The following NEBL variants were observed in gnomAD, a reference collection of about 807,000 sequenced individuals.
NEBL encodes the protein nebulette, also known as LIM and SH3 protein 2.
A neutral mutation model predicts 140.2 loss-of-function variants in NEBL; 122 were observed. The observed-to-expected ratio is 0.87, with a 90% CI of 0.75 to 1.01. NEBL has a LOEUF of 1.01. NEBL is among the 50% of genes least tolerant of loss of function. The pLI is 0.00. For missense variants in NEBL, 1,365 were observed against 1,231.3 expected, an observed-to-expected ratio of 1.11 and a Z score of -1.62; for synonymous variants, 436 against 398.9, an observed-to-expected ratio of 1.09 and a Z score of -1.11.
At chr10:21,068,195 T>C (rs1835654730) in intron 2 of NEBL, among the ~76,000 whole-genome samples, 1 of 152,208 alleles carries the variant, frequency 6.6e-6, no homozygotes, top group Non-Finnish European at 1.5e-5. Flanking sequence ...GTCAAATGTG[T>C]TGAACACTTT....
At chr10:20,869,638 T>A in intron 6 of NEBL, 102 bp downstream of exon 6, 1 of 779,506 alleles carries the variant, frequency 1.3e-6, no homozygotes, top group Non-Finnish European at 2.3e-6. Flanking sequence ...TTATATTGAT[T>A]AGTTACACTA....
chr10:21,284,626 G>C (rs773919824), intron 1 of NEBL, among the ~76,000 whole-genome samples: 4 of 152,088 alleles, frequency 2.6e-5, no homozygotes, highest in Non-Finnish European at 5.9e-5. Flanking sequence ...AGAGCACAAG[G>C]AGTGCTATAT....
chr10:21,071,425 G>A (rs956106039), intron 2 of NEBL, among the ~76,000 whole-genome samples: 2 of 152,002 alleles, frequency 1.3e-5, no homozygotes, highest in East Asian at 3.9e-4. Context: ...CCCTACAAAA[G>A]GACTTTTCAA....
chr10:20,859,943 G>A, intron 7 of NEBL, 117 bp from the exon 8 acceptor site: 1 of 585,694 alleles, frequency 1.7e-6, no homozygotes, highest in Non-Finnish European at 3.0e-6. Context: ...GTAAATTCCT[G>A]GTATCCATCG....
At chr10:21,150,537 A>G (rs550205315) in intron 2 of NEBL, among the ~76,000 whole-genome samples, 1 of 152,324 alleles carries the variant, frequency 6.6e-6, no homozygotes, top group Admixed American at 6.5e-5. Flanking sequence ...TATATCTCCA[A>G]ACATTTGCAC....
At chr10:21,257,287 C>A (rs111621415) in intron 1 of NEBL, among the ~76,000 whole-genome samples, 2,859 of 152,254 alleles carry the variant, frequency 0.019, 43 homozygotes, top group South Asian at 0.051. Flanking sequence ...TAAATATCTT[C>A]ACTGCCACTT....
At chr10:21,101,804 A>G (rs1837492740) in intron 2 of NEBL, among the ~76,000 whole-genome samples, 1 of 152,226 alleles carries the variant, frequency 6.6e-6, no homozygotes, top group Admixed American at 6.5e-5. Flanking sequence ...TGGAAACTGT[A>G]ATAAGATCTA....
intron 27 of NEBL, 50 bp from the exon 28 acceptor site, chr10:20,785,973 C>T (rs1229779177): frequency 6.4e-7 from 1 of 1,562,440 alleles, no homozygotes; most frequent in Non-Finnish European, 8.8e-7. Context: ...TAGCTACAGC[C>T]ACAAATTCCA....
At chr10:21,232,585 A>T (rs1305341947) in intron 3 of NEBL, among the ~76,000 whole-genome samples, 2 of 152,322 alleles carry the variant, frequency 1.3e-5, no homozygotes, top group Middle Eastern at 3.4e-3. Flanking sequence ...TTTCATAAGG[A>T]GCATGCAACC....
chr10:21,144,817 T>C (rs772431224), intron 2 of NEBL, among the ~76,000 whole-genome samples: 9 of 152,102 alleles, frequency 5.9e-5, no homozygotes, highest in Non-Finnish European at 1.2e-4. Flanking sequence ...TGACTGTAAC[T>C]AGCTATTCAC....
chr10:21,018,112 G>A (rs982669225), intron 3 of NEBL, among the ~76,000 whole-genome samples: 4 of 152,002 alleles, frequency 2.6e-5, no homozygotes, highest in East Asian at 1.9e-4. Flanking sequence ...ATGAGCCCCC[G>A]TGCCCAGCCT....
chr10:20,968,251 T>C (rs1368064967), intron 3 of NEBL, among the ~76,000 whole-genome samples: 1 of 152,008 alleles, frequency 6.6e-6, no homozygotes, highest in Admixed American at 6.6e-5. Flanking sequence ...CTGCCTGCAA[T>C]TGCAGGACTT....
Position 21,072,818 on chromosome 10 carries a change from C to T in NEBL, c.165-52617G>A, listed in dbSNP as rs182734594. Among the ~76,000 whole-genome samples, 9 of 152,246 alleles carry T rather than the reference C, an allele frequency of 5.9e-5. No homozygotes were observed. The East Asian group carries it at 1.7e-3, about 29-fold the overall frequency. ...CCAGCATGGCCAACATGATAAAACT[C>T]CGTCTCTACTAAAAATACAAAAGTT... On this transcript the variant is annotated intron_variant, in intron 2 of 6. Coordinates refer to the NEBL transcript ENST00000417816.
intron 26 of NEBL, among the ~76,000 whole-genome samples, chr10:20,799,258 T>A (rs1042505506): frequency 6.6e-6 from 1 of 152,138 alleles, no homozygotes; most frequent in Non-Finnish European, 1.5e-5. Flanking sequence ...CGGGTTCAAG[T>A]GATTCTCCTG....
At chr10:21,226,513 T>C (rs115263362) in intron 3 of NEBL, among the ~76,000 whole-genome samples, 1 of 152,300 alleles carries the variant, frequency 6.6e-6, no homozygotes, top group African/African-American at 2.4e-5. Context: ...CCCAGAGCAC[T>C]TTAGCCCATG....
chr10:20,827,974 C>T (rs1168726411), intron 17 of NEBL, among the ~76,000 whole-genome samples: 1 of 151,938 alleles, frequency 6.6e-6, no homozygotes, highest in East Asian at 1.9e-4. Context: ...CTAATGGGTA[C>T]TAGGCTTAAC....
chr10:20,959,914 T>G (rs1835976736), intron 4 of NEBL, among the ~76,000 whole-genome samples: 1 of 152,086 alleles, frequency 6.6e-6, no homozygotes, highest in South Asian at 2.1e-4. Context: ...AAATATAGAT[T>G]AATACATACC....
rs1242996580 is a variant in NEBL, at chr10:20,783,054, T to G, written c.*2693A>C. On this transcript the variant is annotated 3_prime_UTR_variant, in exon 28 of 28. Coordinates refer to ENST00000377122, the MANE Select transcript of NEBL (RefSeq NM_006393.3). ...TCTCTGTGCTTGGACATTTACACAGTCATCTTTAACTCAATTTTTAAAATC... is the reference window on the plus strand; with the variant it reads ...TCTCTGTGCTTGGACATTTACACAGGCATCTTTAACTCAATTTTTAAAATC... 1 of 152,578 alleles carries G rather than the reference T, an allele frequency of 6.6e-6. No homozygotes were observed. The highest frequency in any genetic ancestry group is 1.5e-5 in the Non-Finnish European group (1 of 68,022). 9.5% of individuals were successfully genotyped at this position (152,578 alleles called of 1,614,324 possible). A position where few individuals can be genotyped will look rare whatever the true frequency, so the allele number is the denominator to read the frequency against.
intron 2 of NEBL, among the ~76,000 whole-genome samples, chr10:21,137,810 G>T (rs1388426907): frequency 1.3e-5 from 2 of 151,940 alleles, no homozygotes; most frequent in Non-Finnish European, 2.9e-5. Flanking sequence ...GAGCATTATG[G>T]TATGTGCTTG....
Sources: allele counts gnomAD v4.1 joint callset (sites outside exome capture counted in the v4.1 genomes callset), GRCh38; gene constraint gnomAD v4.1.1; transcripts MANE v1.5; gene names NCBI Gene and HGNC (gene_info 2026-07-23, HGNC 2026-07-21).